IRAG2: variants seen among roughly 807,000 people sequenced by gnomAD.
IRAG2 encodes the protein inositol 1,4,5-triphosphate receptor associated 2.
A neutral mutation model predicts 69.9 loss-of-function variants in IRAG2; 45 were observed. The observed-to-expected ratio is 0.64, with a 90% confidence interval of 0.51 to 0.83. The LOEUF is 0.83. Ranked by LOEUF, IRAG2 falls within the 40% of genes least tolerant of loss-of-function variation. The pLI, the probability that IRAG2 is intolerant of heterozygous loss-of-function variation, is 0.00. For missense variants in IRAG2, 520 were observed against 587.0 expected (o/e 0.89, Z 1.18); for synonymous variants, 193 against 202.4 (o/e 0.95, Z 0.40).
chr12:25,097,070 A>G, intron 15 of IRAG2, 26 bp downstream of exon 15: 1 of 1,564,636 alleles, frequency 6.4e-7, no homozygotes, highest in Admixed American at 2.1e-5. Context: ...TTCTCTAGTT[A>G]GAATGAAATT....
intron 11 of IRAG2, among the ~76,000 whole-genome samples, chr12:25,088,446 T>C (rs1192994962): frequency 1.3e-5 from 2 of 152,212 alleles, no homozygotes; most frequent in East Asian, 3.8e-4. Flanking sequence ...AGTTCTTTTT[T>C]AGTATCCCAT....
chr12:25,085,318 AGAAGGGGGGATGGAGTGG>A (rs1342225023), intron 10 of IRAG2, among the ~76,000 whole-genome samples: 3 of 152,154 alleles, frequency 2.0e-5, no homozygotes, highest in Non-Finnish European at 4.4e-5. Flanking sequence ...ATGCGGAGCC[AGAAGGGGGGATGGAGTGG>A]GAAGGTGGTA....
In IRAG2 at chr12:25,031,836, G is replaced by A. The variant is rs145154328; in HGVS notation, c.1519-306G>A. Among the ~76,000 whole-genome samples, 82 of 152,130 alleles carry A rather than the reference G, an allele frequency of 5.4e-4. No homozygotes were observed. In the East Asian group the frequency reaches 0.01, roughly 19 times the overall value. On this transcript the variant is annotated intron_variant, in intron 10 of 38. Transcript: ENST00000636465. The stretch of plus-strand genomic sequence containing the variant: ...CGCCACCACACCCGGCTAATTTTGC[G>A]TTTTTAGTAGAGACAGGGTTTCCCC...
intron 10 of IRAG2, among the ~76,000 whole-genome samples, chr12:25,083,995 T>G (rs1947398337): frequency 6.6e-6 from 1 of 151,872 alleles, no homozygotes; most frequent in African/African-American, 2.4e-5. Context: ...AGTACCATGT[T>G]AATGGCATTG....
intron 14 of IRAG2, chr12:25,092,603 G>T (rs1464452546): frequency 6.9e-6 from 1 of 144,938 alleles, no homozygotes; most frequent in Non-Finnish European, 1.5e-5. Flanking sequence ...GTTTCAGAAG[G>T]TAACATAGTA....
At chr12:25,083,235 G>T (rs555602946) in intron 9 of IRAG2, among the ~76,000 whole-genome samples, 188 bp from the exon 10 acceptor site, 1 of 151,980 alleles carries the variant, frequency 6.6e-6, no homozygotes, top group Non-Finnish European at 1.5e-5. Context: ...AATCTTTTAC[G>T]GCCTTAGCTG....
chr12:25,002,692 A>T (rs1944401025), upstream of IRAG2, among the ~76,000 whole-genome samples: 1 of 149,512 alleles, frequency 6.7e-6, no homozygotes, highest in Admixed American at 6.7e-5. Flanking sequence ...CCCCGGCTAG[A>T]GTGCCGTAGC....
chr12:25,102,096 A>G (rs1182765461), intron 16 of IRAG2, 102 bp from the exon 17 acceptor site: 3 of 805,410 alleles, frequency 3.7e-6, no homozygotes, highest in East Asian at 2.6e-5. Context: ...TAAAGTCTTA[A>G]TATCTTCTGA....
intron 10 of IRAG2, among the ~76,000 whole-genome samples, chr12:25,031,772 C>T (rs961807571): frequency 2.0e-5 from 3 of 152,170 alleles, no homozygotes; most frequent in Admixed American, 2.0e-4. Flanking sequence ...AAGTGATTCT[C>T]CTGCCTCAGC....
intron 15 of IRAG2, among the ~76,000 whole-genome samples, chr12:25,037,630 T>C (rs529448722): frequency 6.6e-6 from 1 of 152,326 alleles, no homozygotes; most frequent in African/African-American, 2.4e-5. Flanking sequence ...TAAATACTGA[T>C]ATTATTGCAT....
chr12:25,017,048 A>G, intron 5 of IRAG2: 1 of 1,081,648 alleles, frequency 9.2e-7, no homozygotes. Flanking sequence ...AGAATATCAA[A>G]GTTTGGTTTG....
intron 1 of IRAG2, among the ~76,000 whole-genome samples, chr12:25,053,314 G>C (rs1294837283): frequency 6.6e-6 from 1 of 151,244 alleles, no homozygotes; most frequent in Non-Finnish European, 1.5e-5. Flanking sequence ...ATTATACTCT[G>C]ATTTTATTAG....
At chr12:25,077,231 T>TG (rs61400817) in intron 6 of IRAG2, among the ~76,000 whole-genome samples, 4,682 of 44,076 alleles carry the variant, frequency 0.11, 490 homozygotes, top group East Asian at 0.36. Flanking sequence ...ATATATATGA[T>TG]ATATATATGA....
At chr12:25,024,636 G>T (rs1944608257) in intron 8 of IRAG2, among the ~76,000 whole-genome samples, 1 of 152,148 alleles carries the variant, frequency 6.6e-6, no homozygotes, top group Non-Finnish European at 1.5e-5. Flanking sequence ...TATTTATGAA[G>T]CTATGCAGCA....
exon 1 of IRAG2, chr12:25,004,614 A>C: frequency 8.1e-7 from 1 of 1,232,088 alleles, no homozygotes. Flanking sequence ...CGCCTCAAAT[A>C]ATATCTCCAA....
At chr12:25,072,860 G>C (rs1189726007) in intron 6 of IRAG2, among the ~76,000 whole-genome samples, 1 of 152,206 alleles carries the variant, frequency 6.6e-6, no homozygotes, top group Non-Finnish European at 1.5e-5. Context: ...AATATATCAC[G>C]CAAACGTGTT....
chr12:25,033,115 C>T (rs1427097420), intron 12 of IRAG2, among the ~76,000 whole-genome samples: 1 of 152,038 alleles, frequency 6.6e-6, no homozygotes, highest in African/African-American at 2.4e-5. Context: ...TGCCACCATG[C>T]CTGGCTAATT....
intron 1 of IRAG2, among the ~76,000 whole-genome samples, chr12:25,056,166 G>A (rs182254558): frequency 2.0e-5 from 3 of 152,300 alleles, no homozygotes; most frequent in Non-Finnish European, 2.9e-5. Flanking sequence ...GTATGGCAGA[G>A]GTAAAACCCT....
At chr12:25,031,196 T>C (rs1157158335) in intron 10 of IRAG2, 1 of 387,194 alleles carries the variant, frequency 2.6e-6, no homozygotes, top group African/African-American at 2.2e-5. Flanking sequence ...ACTGGGATAC[T>C]GCGTATTGTC....
Sources: gnomAD v4.1 joint callset for allele counts (sites outside exome capture counted in the v4.1 genomes callset) on GRCh38, gnomAD v4.1.1 for gene constraint, MANE v1.5 for transcripts, NCBI Gene and HGNC (gene_info 2026-07-23, HGNC 2026-07-21) for gene names.